PCM1: variants seen among roughly 807,000 people sequenced by gnomAD.
PCM1 encodes pericentriolar material 1, also known as pericentriolar material 1 protein.
In PCM1, 157 loss-of-function variants were observed where a neutral mutation model predicts 241.9. The observed-to-expected ratio is 0.65, with a 90% CI of 0.57 to 0.74. The LOEUF (loss-of-function observed/expected upper bound fraction) is 0.74, where lower values mean the gene tolerates loss of function less well. PCM1 is among the 30% of genes least tolerant of loss of function. The pLI is 0.00. For missense variants in PCM1, 3,478 were observed against 2,360.1 expected, an observed-to-expected ratio of 1.47 and a Z score of -9.81; for synonymous variants, 1,085 against 784.9, an observed-to-expected ratio of 1.38 and a Z score of -6.39.
Position 17,960,114 on chromosome 8 carries a change from G to C in PCM1, c.2141G>C (p.Arg714Thr). Residue 714 changes from arginine to threonine, a missense_variant, in exon 14 of 39, where the codon AGA becomes ACA. Coordinates refer to ENST00000325083, the MANE Select transcript of PCM1 (RefSeq NM_006197.4). ...ACCAAGCAAAATTCAAATAACACTA[G>C]AGGAAATGCCAATAAAACACAGAAA... ...EDTKQNSNNT[R>T]GNANKTQKDT... The C allele has an allele frequency of 6.2e-7, 1 of 1,601,458 alleles. No individual in the cohort carries two copies. The highest frequency in any genetic ancestry group is 8.5e-7 in the Non-Finnish European group (1 of 1,172,852).
At position 18,021,391 on chromosome 8, in the gene PCM1, T is replaced by C. The variant is rs1039412524; in HGVS notation, c.5842-3970T>C. Among the ~76,000 whole-genome samples the C allele has an allele frequency of 7.2e-5, 11 of 152,328 alleles. No individual in the cohort carries two copies. The East Asian group carries it at 1.2e-3, about 16-fold the overall frequency. On this transcript the variant is annotated intron_variant, in intron 36 of 38. Coordinates refer to ENST00000325083, the MANE Select transcript of PCM1 (RefSeq NM_006197.4). Reference sequence around the variant, plus strand: ...GATTTCTGCCACCTGCTAGACCATATGTAGGTCTGCAGATGGATTTCATTC... The same window carrying C: ...GATTTCTGCCACCTGCTAGACCATACGTAGGTCTGCAGATGGATTTCATTC...
intron 10 of PCM1, 127 bp from the exon 11 acceptor site, chr8:17,956,477 G>T (rs2068553978): frequency 3.2e-6 from 2 of 628,294 alleles, no homozygotes; most frequent in Non-Finnish European, 5.6e-6. Flanking sequence ...CCCCTGGAGA[G>T]TTCACTAGGT....
intron 7 of PCM1, among the ~76,000 whole-genome samples, chr8:17,948,691 T>C (rs140019911): frequency 0.014 from 2,205 of 152,326 alleles, 35 homozygotes; most frequent in Middle Eastern, 0.051. Flanking sequence ...CATTTCTCCA[T>C]TGTAAAATTT....
chr8:17,951,691 A>G (rs2066073331), intron 8 of PCM1, among the ~76,000 whole-genome samples: 1 of 152,244 alleles, frequency 6.6e-6, no homozygotes, highest in African/African-American at 2.4e-5. Context: ...ATTAGAAAAT[A>G]AAAACATGTA....
Position 17,964,641 on chromosome 8 carries a change from G to A in PCM1, c.2728G>A (p.Glu910Lys). 9 of 1,613,910 alleles carry A rather than the reference G, an allele frequency of 5.6e-6. No individual in the cohort carries two copies. The highest frequency in any genetic ancestry group is 7.6e-6 in the Non-Finnish European group (9 of 1,179,842). Residue 910 changes from glutamate (E) to lysine (K), a missense_variant, in exon 18 of 39, where the codon GAA becomes AAA. Coordinates refer to ENST00000325083, the MANE Select transcript of PCM1 (RefSeq NM_006197.4). ...EEGDEDGYLS[E>K]GIVRTDEEEE... ...AGGAGATGAAGACGGTTACCTTTCT[G>A]AAGGAATTGTTCGGACAGATGAAGA...
At chr8:18,004,751 TCTC>T (rs553652989) in intron 29 of PCM1, among the ~76,000 whole-genome samples, 51 of 152,300 alleles carry the variant, frequency 3.3e-4, no homozygotes, top group African/African-American at 1.2e-3. Context: ...AAAAATGTAT[TCTC>T]CTCCTTAGAG....
chr8:18,020,224 C>T (rs1417605234), intron 36 of PCM1, among the ~76,000 whole-genome samples: 1 of 152,174 alleles, frequency 6.6e-6, no homozygotes, highest in East Asian at 1.9e-4. Flanking sequence ...AAGCTACTGA[C>T]CCATTGCTTA....
Position 17,957,254 on chromosome 8 carries a change from TTTC to T in PCM1, c.1647-5_1647-3del. The T allele has an allele frequency of 6.4e-7, 1 of 1,572,782 alleles. No homozygotes were observed. The highest frequency in any genetic ancestry group is 1.2e-5 in the South Asian group (1 of 83,940). Reference sequence around the variant, plus strand: ...CCTTAAATGACTTCAGGCTGTTTTCTTTCTTCTAGAAATCCACAAGTAGCTTCC... The same window carrying T: ...CCTTAAATGACTTCAGGCTGTTTTCTTTCTAGAAATCCACAAGTAGCTTCC... On this transcript the variant is annotated splice_polypyrimidine_tract_variant and splice_region_variant and intron_variant, in intron 11 of 38. Transcript: ENST00000325083.
At chr8:17,964,974 A>T (rs1017296455) in intron 18 of PCM1, among the ~76,000 whole-genome samples, 1 of 152,076 alleles carries the variant, frequency 6.6e-6, no homozygotes, top group African/African-American at 2.4e-5. Flanking sequence ...CTTCAATTTC[A>T]ACTGCTTGGT....
intron 2 of PCM1, among the ~76,000 whole-genome samples, chr8:17,933,534 T>G (rs1001657801): frequency 3.9e-5 from 6 of 152,338 alleles, no homozygotes; most frequent in African/African-American, 1.2e-4. Context: ...GTTGTAATAT[T>G]TAGTATCCCA....
At chr8:17,968,674 T>C (rs2075778625) in intron 21 of PCM1, among the ~76,000 whole-genome samples, 3 of 151,682 alleles carry the variant, frequency 2.0e-5, no homozygotes, top group Admixed American at 6.6e-5. Context: ...CAATACTTCT[T>C]ACATACATAT....
intron 36 of PCM1, among the ~76,000 whole-genome samples, chr8:18,018,883 CACACATATACAT>C (rs2093507854): frequency 1.9e-5 from 1 of 51,676 alleles, no homozygotes; most frequent in Non-Finnish European, 5.1e-5. Context: ...TATATATACA[CACACATATACAT>C]ACACATATAT....
At chr8:17,993,953 G>T (rs1360121521) in intron 29 of PCM1, among the ~76,000 whole-genome samples, 1 of 152,092 alleles carries the variant, frequency 6.6e-6, no homozygotes, top group East Asian at 1.9e-4. Context: ...ACATGAAATA[G>T]TTTGATACAG....
chr8:17,984,158 G>A (rs1224789982), intron 24 of PCM1, among the ~76,000 whole-genome samples: 2 of 152,010 alleles, frequency 1.3e-5, no homozygotes, highest in African/African-American at 4.8e-5. Context: ...AATTTTTAAT[G>A]ATACGCAATT....
At chr8:17,925,305 C>T (rs2056488690) in intron 2 of PCM1, 1 of 152,104 alleles carries the variant, frequency 6.6e-6, no homozygotes, top group Non-Finnish European at 1.5e-5. Context: ...TTGTCACATG[C>T]AAGTGACATA....
chr8:17,993,285 T>G (rs1025973909), intron 28 of PCM1, among the ~76,000 whole-genome samples, 198 bp from the exon 29 acceptor site: 1 of 152,138 alleles, frequency 6.6e-6, no homozygotes, highest in African/African-American at 2.4e-5. Context: ...TGTAAAAAAT[T>G]TAAATATGTG....
intron 4 of PCM1, among the ~76,000 whole-genome samples, chr8:17,938,139 C>T (rs1337751129): frequency 6.6e-6 from 1 of 152,086 alleles, no homozygotes; most frequent in African/African-American, 2.4e-5. Flanking sequence ...TCCTAGGACA[C>T]GTTGAGCATC....
In PCM1 at chr8:17,972,481, C is replaced by A. The variant is rs376398554; in HGVS notation, c.3737C>A (p.Thr1246Lys). The change falls in exon 23 of 39, where the codon ACA becomes AAA. Residue 1246 changes from threonine (T) to lysine (K), a missense_variant. Physicochemically the swap from Thr to Lys is moderately conservative, Grantham distance 78. Coordinates refer to ENST00000325083, the MANE Select transcript of PCM1 (RefSeq NM_006197.4). ...TSSNRKNQLDTNGRRRQFDEE... is the reference protein window; with the variant it reads ...TSSNRKNQLDKNGRRRQFDEE... Reference sequence around the variant, plus strand: ...AGTAACCGCAAAAATCAATTAGATACAAACGGAAGAAGACGCCAGTTTGAT... The same window carrying A: ...AGTAACCGCAAAAATCAATTAGATAAAAACGGAAGAAGACGCCAGTTTGAT... The A allele has an allele frequency of 2.9e-5, 47 of 1,613,716 alleles. No individual in the cohort carries two copies. The highest frequency in any genetic ancestry group is 3.7e-5 in the Non-Finnish European group (44 of 1,179,808).
chr8:17,978,337 A>G (rs1245581879), intron 23 of PCM1, among the ~76,000 whole-genome samples: 5 of 152,100 alleles, frequency 3.3e-5, no homozygotes, highest in African/African-American at 1.2e-4. Context: ...GGATGAAGAA[A>G]GACTTGAGAC....
Sources: allele counts gnomAD v4.1 joint callset (sites outside exome capture counted in the v4.1 genomes callset), GRCh38; gene constraint gnomAD v4.1.1; transcripts MANE v1.5; gene names NCBI Gene and HGNC (gene_info 2026-07-23, HGNC 2026-07-21).